The following SHBG variants were observed in gnomAD, a reference collection of about 807,000 sequenced individuals.
The protein encoded by SHBG is sex hormone-binding globulin.
In SHBG, 37 loss-of-function variants were observed where a neutral mutation model predicts 41.9. The ratio of observed to expected loss-of-function variants is 0.88; its 90% CI spans 0.68 to 1.16. SHBG has a LOEUF of 1.16. SHBG is among the 50% of genes most tolerant of loss of function. The probability of loss-of-function intolerance (pLI) is 0.00; values close to 1 mark genes in which losing one functional copy is unlikely to be tolerated. For missense variants in SHBG, 466 were observed against 499.9 expected, an observed-to-expected ratio of 0.93 and a Z score of 0.65; for synonymous variants, 217 against 205.8, an observed-to-expected ratio of 1.05 and a Z score of -0.47.
chr17:7,632,755 G>T lies in SHBG; in HGVS notation c.856G>T (p.Val286Leu), dbSNP rs774896581. ...WLSLHLQDQK[V>L]VLSSGSGPGL... ...CCCTTTCCCACACACTCTGCAGAAG[G>T]TGGTGTTGTCTTCTGGGTCGGGGCC... The change falls in exon 7 of 8, where the codon GTG (valine) becomes TTG (leucine). Residue 286 changes from valine to leucine, a missense_variant. Transcript: ENST00000380450. 2 of 1,611,682 alleles carry T rather than the reference G, an allele frequency of 1.2e-6. No homozygotes were observed. Among genetic ancestry groups the T allele is most frequent in the Non-Finnish European group, 1.7e-6 (2 of 1,178,300 alleles).
chr17:7,621,094 CAAAAAAAAAAAAAA>C (rs61026446), intron 1 of SHBG, among the ~76,000 whole-genome samples: 1 of 52,272 alleles, frequency 1.9e-5, no homozygotes, highest in Non-Finnish European at 3.2e-5. Flanking sequence ...GACCCTGTCA[CAAAAAAAAAAAAAA>C]AAAAAAAAAA....
chr17:7,626,529 C>T (rs2072211997), upstream of SHBG: 1 of 1,614,070 alleles, frequency 6.2e-7, no homozygotes, highest in Admixed American at 1.7e-5. Context: ...ATCTTGGGCT[C>T]CTAGGGCCTT....
upstream of SHBG, chr17:7,627,192 G>T: frequency 6.2e-7 from 1 of 1,614,144 alleles, no homozygotes; most frequent in South Asian, 1.1e-5. The surrounding 1 kb of genome is among the most constrained non-coding windows in gnomAD (Gnocchi z 4.8). Context: ...AACAGTGATA[G>T]AAAGGATTGT....
At chr17:7,619,163 G>A (rs1301065346) in intron 1 of SHBG, among the ~76,000 whole-genome samples, 3 of 151,974 alleles carry the variant, frequency 2.0e-5, no homozygotes, top group African/African-American at 7.3e-5. Context: ...GGCCGAGGTG[G>A]GCAGATCACC....
In SHBG at chr17:7,632,911, A is replaced by C; in HGVS notation, c.1012A>C (p.Asn338His). The change falls in exon 7 of 8, where the codon AAC (asparagine) becomes CAC (histidine). Residue 338 changes from asparagine to histidine, a missense_variant. Coordinates refer to ENST00000380450, the MANE Select transcript of SHBG (RefSeq NM_001040.5). ...LPPLGLAPLL[N>H]LWAKPQGRLF... ...TCCCTTAGGCCTGGCTCCCCTCCTT[A>C]ACCTCTGGGCCAAGCCTCAAGGGCG... 2 of 1,614,168 alleles carry C rather than the reference A, an allele frequency of 1.2e-6. No individual in the cohort carries two copies. Among genetic ancestry groups the C allele is most frequent in the Non-Finnish European group, 1.7e-6 (2 of 1,180,018 alleles).
At chr17:7,615,657 C>CA (rs1491035930) in intron 1 of SHBG, among the ~76,000 whole-genome samples, 3 of 91,184 alleles carry the variant, frequency 3.3e-5, no homozygotes, top group Non-Finnish European at 4.8e-5. Context: ...ACCCCCCCCC[C>CA]CACCCCGCAT....
At chr17:7,627,352 T>C (rs1026335240), upstream of SHBG, 2 of 1,614,188 alleles carry the variant, frequency 1.2e-6, no homozygotes, top group Non-Finnish European at 8.5e-7. This position sits in a 1 kb window ranked among gnomAD's most constrained non-coding sequence, Gnocchi z 4.8. Flanking sequence ...ACCTGGGCGC[T>C]GAGCCCCCAC....
At chr17:7,627,464 C>T, upstream of SHBG, 1 of 1,611,492 alleles carries the variant, frequency 6.2e-7, no homozygotes, top group South Asian at 1.1e-5. This position sits in a 1 kb window ranked among gnomAD's most constrained non-coding sequence, Gnocchi z 4.8. Flanking sequence ...CCCCGCTGCT[C>T]CCCGAGCAGG....
At chr17:7,617,983 C>A (rs1199844267) in intron 1 of SHBG, among the ~76,000 whole-genome samples, 1 of 152,102 alleles carries the variant, frequency 6.6e-6, no homozygotes, top group African/African-American at 2.4e-5. Context: ...CTTTGGGATG[C>A]CGAGGTGGGT....
chr17:7,630,844 G>C lies in SHBG; in HGVS notation c.368G>C (p.Arg123Pro), dbSNP rs148001698. ...WAQLTVGAGPRLDDGRWHQVE... is the reference protein window; with the variant it reads ...WAQLTVGAGPPLDDGRWHQVE... ...CAGCTTACGGTGGGTGCTGGACCAC[G>C]GCTGGATGATGGGAGATGGCACCAG... Residue 123 changes from arginine to proline, a missense_variant, in exon 3 of 8, where the codon CGG becomes CCG. By Grantham distance (103) the Arg-to-Pro change is moderately radical. Coordinates refer to ENST00000380450, the MANE Select transcript of SHBG (RefSeq NM_001040.5). This position sits in a 1 kb window ranked among gnomAD's most constrained non-coding sequence, Gnocchi z 4.6. 1 of 1,613,520 alleles carries C rather than the reference G, an allele frequency of 6.2e-7. No individual in the cohort carries two copies. Among genetic ancestry groups the C allele is most frequent in the East Asian group, 2.2e-5 (1 of 44,876 alleles).
At chr17:7,631,011 C>T in intron 3 of SHBG, 142 bp downstream of exon 3, 1 of 982,778 alleles carries the variant, frequency 1.0e-6, no homozygotes, top group South Asian at 1.6e-5. Context: ...ATTCTTGGCC[C>T]CATCTTTTCT....
At chr17:7,625,781 C>T (rs1215362566), upstream of SHBG, among the ~76,000 whole-genome samples, 1 of 151,362 alleles carries the variant, frequency 6.6e-6, no homozygotes, top group Admixed American at 6.6e-5. Flanking sequence ...ATCCCAGCTA[C>T]TCGGGAGTCT....
At chr17:7,617,622 CAAAA>C (rs1425367390) in intron 1 of SHBG, among the ~76,000 whole-genome samples, 8 of 151,238 alleles carry the variant, frequency 5.3e-5, no homozygotes, top group African/African-American at 1.7e-4. Context: ...AAATAAAAAA[CAAAA>C]ATAAATAAAG....
upstream of SHBG, chr17:7,628,271 A>G (rs2072289213): frequency 4.5e-6 from 1 of 224,312 alleles, no homozygotes; most frequent in South Asian, 5.6e-5. Context: ...TTATTTATTT[A>G]TTTATTTTTG....
At chr17:7,626,432 C>T (rs2072207724), upstream of SHBG, 1 of 1,613,264 alleles carries the variant, frequency 6.2e-7, no homozygotes, top group African/African-American at 1.3e-5. Flanking sequence ...GACAGAGATC[C>T]TCCTAGGGAT....
rs747379879 is a variant in SHBG, at chr17:7,631,322, T to C, written c.516T>C (p.Leu172=). 1.2e-6 allele frequency: 2 copies of C among 1,613,788 alleles called. No individual in the cohort carries two copies. Among genetic ancestry groups the C allele is most frequent in the Admixed American group, 3.3e-5 (2 of 59,986 alleles). The change falls in exon 4 of 8, where the codon CTT becomes CTC. Residue 172 remains leucine (L), a synonymous_variant. Coordinates refer to ENST00000380450, the MANE Select transcript of SHBG (RefSeq NM_001040.5). ...GCCATCCCATCATGAGGATTGCGCTTGGGGGGCTGCTCTTCCCCGCTTCCA... is the reference window on the plus strand; with the variant it reads ...GCCATCCCATCATGAGGATTGCGCTCGGGGGGCTGCTCTTCCCCGCTTCCA... The part of the protein sequence containing the change: ...SKRHPIMRIA[L]GGLLFPASNL...
rs1393829476 is a variant in SHBG, at chr17:7,630,441, A to C, written c.137A>C (p.His46Pro). ...AGTGCCCACGACCCTCCGGCTGTCC[A>C]CCTCAGCAATGGCCCAGGACAAGAG... ...TQSAHDPPAV[H>P]LSNGPGQEPI... The change falls in exon 2 of 8, where the codon CAC becomes CCC. Residue 46 changes from histidine (H) to proline (P), a missense_variant. Transcript: ENST00000380450. This position sits in a 1 kb window ranked among gnomAD's most constrained non-coding sequence, Gnocchi z 4.6. 1 of 1,614,006 alleles carries C rather than the reference A, an allele frequency of 6.2e-7. No homozygotes were observed. The highest frequency in any genetic ancestry group is 2.2e-5 in the East Asian group (1 of 44,882).
chr17:7,625,445 C>T (rs2072179357), upstream of SHBG, among the ~76,000 whole-genome samples: 1 of 150,922 alleles, frequency 6.6e-6, no homozygotes, highest in Non-Finnish European at 1.5e-5. Flanking sequence ...GGCGTGGTGG[C>T]GGGGGCCTGT....
chr17:7,614,207 G>A (rs2071911929), intron 1 of SHBG: 1 of 680,044 alleles, frequency 1.5e-6, no homozygotes, highest in Non-Finnish European at 2.7e-6. Context: ...GGACAATAAT[G>A]GCCTGAAGTT....
Sources: allele counts gnomAD v4.1 joint callset (sites outside exome capture counted in the v4.1 genomes callset), GRCh38; gene constraint gnomAD v4.1.1; non-coding constraint Gnocchi (gnomAD v3.1); transcripts MANE v1.5; gene names NCBI Gene and HGNC (gene_info 2026-07-23, HGNC 2026-07-21).